RDX: variants seen among roughly 807,000 people sequenced by gnomAD.
The protein encoded by RDX is deafness, autosomal recessive 24.
RDX carries 32 observed loss-of-function variants against 83.7 expected under a neutral mutation model. The observed-to-expected ratio is 0.38, with a 90% CI of 0.29 to 0.51. The LOEUF is 0.51. RDX is among the 20% of genes least tolerant of loss of function. The pLI, the probability that RDX is intolerant of heterozygous loss-of-function variation, is 0.87. For missense variants in RDX, 600 were observed against 689.9 expected (o/e 0.87, Z 1.46); for synonymous variants, 229 against 222.7 (o/e 1.03, Z -0.25).
At chr11:110,295,642 G>GAAAAAAAAAAAAAA (rs370760081) in intron 1 of RDX, among the ~76,000 whole-genome samples, 1 of 122,256 alleles carries the variant, frequency 8.2e-6, no homozygotes, top group Admixed American at 8.3e-5. Context: ...TGTTTAAACT[G>GAAAAAAAAAAAAAA]AAAAAAAAAA....
intron 3 of RDX, among the ~76,000 whole-genome samples, chr11:110,271,990 G>A (rs932230392): frequency 6.6e-6 from 1 of 152,108 alleles, no homozygotes; most frequent in Non-Finnish European, 1.5e-5. Flanking sequence ...ATTATTTAAA[G>A]GATTTTATAA....
At chr11:110,289,306 A>C (rs1861118123) in intron 1 of RDX, among the ~76,000 whole-genome samples, 2 of 151,678 alleles carry the variant, frequency 1.3e-5, no homozygotes, top group South Asian at 4.2e-4. Flanking sequence ...AACCATCTCT[A>C]TCCAAAACTG....
In RDX at chr11:110,231,989, T is replaced by C. The variant is rs766857142; in HGVS notation, c.1632A>G (p.Lys544=). The C allele has an allele frequency of 3.7e-6, 6 of 1,614,146 alleles. No individual in the cohort carries two copies. The South Asian group carries it at 6.6e-5, about 18-fold the overall frequency. The part of the protein sequence containing the change: ...ELAQARDETK[K]TQNDVLHAEN... ...CAGCATGAAGAACATCATTTTGTGT[T>C]TTCTTGGTTTCATCTCTGGCTTGGG... is the stretch of plus-strand genomic sequence containing the variant. The change falls in exon 14 of 14, where the codon AAA becomes AAG. Residue 544 remains lysine, a synonymous_variant. Transcript: ENST00000645495.
Position 110,279,664 on chromosome 11 carries a change from T to C in RDX, c.12+17A>G. On this transcript the variant is annotated intron_variant, in intron 2 of 13. Transcript: ENST00000645495. ...CTTATTATTGAGACACTGTCAAATGTAATAAAATACACTTACTGGTTTCGG... is the reference window on the plus strand; with the variant it reads ...CTTATTATTGAGACACTGTCAAATGCAATAAAATACACTTACTGGTTTCGG... 1.3e-6 allele frequency: 2 copies of C among 1,494,404 alleles called. No individual in the cohort carries two copies. Among genetic ancestry groups the C allele is most frequent in the South Asian group, 1.1e-5 (1 of 87,000 alleles). The allele number at this position is 1,494,404 out of a possible 1,614,324, so 92.6% of individuals were successfully genotyped here.
chr11:110,237,255 T>C (rs1864893429), intron 11 of RDX, among the ~76,000 whole-genome samples: 2 of 151,998 alleles, frequency 1.3e-5, no homozygotes, highest in African/African-American at 4.8e-5. Flanking sequence ...TTGCTGACAG[T>C]AGACTCCATT....
intron 14 of RDX, among the ~76,000 whole-genome samples, chr11:110,222,524 T>C (rs188109499): frequency 2.0e-5 from 3 of 152,320 alleles, no homozygotes; most frequent in Admixed American, 6.5e-5. Context: ...GGACCGGGCA[T>C]GGTGGCTGAC....
intron 1 of RDX, among the ~76,000 whole-genome samples, chr11:110,289,455 G>A (rs10789758): frequency 0.43 from 65,515 of 151,850 alleles, 14,260 homozygotes; most frequent in East Asian, 0.51. Flanking sequence ...TAACTTTGCT[G>A]AATAGCCAAA....
At chr11:110,258,049 C>G in intron 6 of RDX, 57 bp downstream of exon 6, 1 of 1,472,114 alleles carries the variant, frequency 6.8e-7, no homozygotes, top group South Asian at 1.2e-5. Flanking sequence ...ATAAATGTTA[C>G]GACATGAAAA....
chr11:110,183,276 T>C (rs1223289277), intron 15 of RDX, among the ~76,000 whole-genome samples: 1 of 152,172 alleles, frequency 6.6e-6, no homozygotes, highest in Non-Finnish European at 1.5e-5. Context: ...GCACTCCAGG[T>C]GAGAAGCTCT....
intron 14 of RDX, among the ~76,000 whole-genome samples, chr11:110,216,064 T>C (rs973901235): frequency 1.3e-5 from 2 of 152,196 alleles, no homozygotes; most frequent in African/African-American, 4.8e-5. Flanking sequence ...GCAATGTTTT[T>C]GTCCTACAGG....
At position 110,264,227 on chromosome 11, in the gene RDX, T is replaced by G; in HGVS notation, c.200A>C (p.Gln67Pro). Reference sequence around the variant, plus strand: ...AGGATTCTCTTTTTTAACATCCTGCTGTGTTACCTGGAAAAATAATTTCAA... The same window carrying G: ...AGGATTCTCTTTTTTAACATCCTGCGGTGTTACCTGGAAAAATAATTTCAA... The part of the protein sequence containing the change: ...TWLKLNKKVT[Q>P]QDVKKENPLQ... The change falls in exon 5 of 14, where the codon CAG (glutamine) becomes CCG (proline). Residue 67 changes from glutamine (Q) to proline (P), a missense_variant. By Grantham distance (76) the Gln-to-Pro change is moderately conservative (BLOSUM62 -1). Coordinates refer to ENST00000645495, the MANE Select transcript of RDX (RefSeq NM_002906.4). 6.3e-7 allele frequency: 1 copy of G among 1,598,810 alleles called. No homozygotes were observed. The highest frequency in any genetic ancestry group is 1.3e-5 in the African/African-American group (1 of 74,180).
At chr11:110,255,948 C>T (rs1859527912) in intron 7 of RDX, among the ~76,000 whole-genome samples, 1 of 152,068 alleles carries the variant, frequency 6.6e-6, no homozygotes, top group Non-Finnish European at 1.5e-5. Context: ...AAATTTTAAA[C>T]ACTCACATAC....
At chr11:110,267,459 G>C (rs1330605494) in intron 3 of RDX, among the ~76,000 whole-genome samples, 1 of 151,554 alleles carries the variant, frequency 6.6e-6, no homozygotes, top group African/African-American at 2.4e-5. Context: ...GCTGCAGTGA[G>C]CCGAGTTCGC....
chr11:110,193,632 C>A (rs567388408), intron 15 of RDX, among the ~76,000 whole-genome samples: 37 of 152,168 alleles, frequency 2.4e-4, no homozygotes, highest in Non-Finnish European at 4.7e-4. Flanking sequence ...TACTCCTTTC[C>A]CTCTTCCAAA....
At position 110,253,942 on chromosome 11, in the gene RDX, A is replaced by T. The variant is rs746665669; in HGVS notation, c.959+4T>A. ...TTAAAAGTGAAAGGTCATAAACCCCATACCTTTCCAACTGCTTCTGATGTT... is the reference window on the plus strand; with the variant it reads ...TTAAAAGTGAAAGGTCATAAACCCCTTACCTTTCCAACTGCTTCTGATGTT... On this transcript the variant is annotated splice_donor_region_variant and intron_variant, in intron 9 of 13. Coordinates refer to ENST00000645495, the MANE Select transcript of RDX (RefSeq NM_002906.4). 6.4e-5 allele frequency: 104 copies of T among 1,613,012 alleles called. No homozygotes were observed. Among genetic ancestry groups the T allele is most frequent in the Non-Finnish European group, 8.7e-5 (103 of 1,179,476 alleles).
At chr11:110,278,021 T>C (rs1299503444) in intron 2 of RDX, among the ~76,000 whole-genome samples, 1 of 152,214 alleles carries the variant, frequency 6.6e-6, no homozygotes, top group Non-Finnish European at 1.5e-5. Flanking sequence ...GGATAACCCT[T>C]TGTGCCAATA....
chr11:110,270,154 C>T (rs1260672660), intron 3 of RDX, among the ~76,000 whole-genome samples: 5 of 151,854 alleles, frequency 3.3e-5, no homozygotes, highest in Admixed American at 6.6e-5. Context: ...GGTTGCTTAA[C>T]GATGGGGATA....
intron 1 of RDX, among the ~76,000 whole-genome samples, chr11:110,294,379 G>A (rs1008740828): frequency 6.6e-6 from 1 of 152,246 alleles, no homozygotes; most frequent in Admixed American, 6.5e-5. Context: ...GGGAGACAGA[G>A]CGAGATGGGC....
At chr11:110,204,818 C>G (rs1016246575) in intron 14 of RDX, among the ~76,000 whole-genome samples, 1 of 152,116 alleles carries the variant, frequency 6.6e-6, no homozygotes, top group Non-Finnish European at 1.5e-5. Flanking sequence ...CCCGGCCGTA[C>G]AGCTGTAATT....
Sources: allele counts gnomAD v4.1 joint callset (sites outside exome capture counted in the v4.1 genomes callset), GRCh38; gene constraint gnomAD v4.1.1; transcripts MANE v1.5; gene names NCBI Gene and HGNC (gene_info 2026-07-23, HGNC 2026-07-21).